Variants in MAPT observed in about 807,000 individuals in gnomAD.
MAPT encodes microtubule associated protein tau.
A neutral mutation model predicts 67.9 loss-of-function variants in MAPT; 34 were observed. That is an observed-to-expected ratio of 0.50 (90% CI 0.38 to 0.67). MAPT has a LOEUF of 0.67. Ranked by LOEUF, MAPT falls within the 30% of genes least tolerant of loss-of-function variation. MAPT has a pLI of 0.00. For missense variants in MAPT, 881 were observed against 1,115.2 expected, an observed-to-expected ratio of 0.79 and a Z score of 2.99; for synonymous variants, 456 against 464.5, an observed-to-expected ratio of 0.98 and a Z score of 0.23.
At chr17:46,021,376 G>A (rs1231397971) in intron 12 of MAPT, among the ~76,000 whole-genome samples, 2 of 151,754 alleles carry the variant, frequency 1.3e-5, no homozygotes, top group Non-Finnish European at 2.9e-5. Flanking sequence ...CTTCTCTGCT[G>A]TTTCTAACCC....
chr17:45,977,790 C>G (rs532753410), intron 3 of MAPT: 1 of 153,196 alleles, frequency 6.5e-6, no homozygotes, highest in Admixed American at 6.4e-5. Flanking sequence ...TTTTGGGGCA[C>G]CTACCATATG....
chr17:45,948,850 G>A (rs1053636238), intron 1 of MAPT, among the ~76,000 whole-genome samples: 1 of 152,196 alleles, frequency 6.6e-6, no homozygotes, highest in African/African-American at 2.4e-5. Context: ...CAGAACAGGA[G>A]ACCAGAGCAA....
chr17:45,895,184 T>G (rs916172678), intron 1 of MAPT: 3 of 151,236 alleles, frequency 2.0e-5, no homozygotes, highest in African/African-American at 7.3e-5. Context: ...TGGATCGGGT[T>G]CTAGAAAAGA....
At chr17:46,014,475 G>T in intron 11 of MAPT, 151 bp downstream of exon 11, 1 of 706,042 alleles carries the variant, frequency 1.4e-6, no homozygotes, top group Non-Finnish European at 2.6e-6. Flanking sequence ...TGAAACTTGC[G>T]GGAGCCCAGG....
rs538825603 is a variant in MAPT at position 45,978,710 on chromosome 17, A to G, written c.286+270A>G. 90 of 485,038 alleles carry G rather than the reference A, an allele frequency of 1.9e-4. 5 individuals are homozygous for G. In the South Asian group the frequency reaches 2.6e-3, roughly 14 times the overall value. 30.0% of individuals were successfully genotyped at this position (485,038 alleles called of 1,614,324 possible). On this transcript the variant is annotated intron_variant, in intron 4 of 12. Coordinates refer to ENST00000262410, the MANE Select transcript of MAPT (RefSeq NM_001377265.1). Reference sequence around the variant, plus strand: ...GCCTGGGAGTTGAGAATGAATGTCTAACAGAAACTCTAGGCCGGGCCTGGT... The same window carrying G: ...GCCTGGGAGTTGAGAATGAATGTCTGACAGAAACTCTAGGCCGGGCCTGGT...
At position 45,971,771 on chromosome 17, in the gene MAPT, C is replaced by G; in HGVS notation, c.134-88C>G. The stretch of plus-strand genomic sequence containing the variant: ...CCACAGGGAGCGATTTTCAGCTCCA[C>G]AGGACACTGCTCCCCAGTTCCTCCT... On this transcript the variant is annotated intron_variant, in intron 2 of 12. Transcript: ENST00000262410. This position sits in a 1 kb window ranked among gnomAD's most constrained non-coding sequence, Gnocchi z 4.3. 1 of 971,190 alleles carries G rather than the reference C, an allele frequency of 1.0e-6. No homozygotes were observed. 60.2% of individuals were successfully genotyped at this position (971,190 alleles called of 1,614,324 possible). A position where few individuals can be genotyped will look rare whatever the true frequency, so the allele number is the denominator to read the frequency against.
chr17:45,974,452 G>A (rs371379238), intron 3 of MAPT: 24 of 1,606,900 alleles, frequency 1.5e-5, no homozygotes, highest in Non-Finnish European at 2.0e-5. Context: ...CCCACACGGA[G>A]ATCCCAGAAG....
At chr17:45,993,951 C>T in intron 8 of MAPT, 1 of 1,576,746 alleles carries the variant, frequency 6.3e-7, no homozygotes, top group Non-Finnish European at 8.6e-7. Context: ...AGAAGACCAC[C>T]CCCTGCAGGG....
At chr17:45,910,530 G>A (rs555472747) in intron 1 of MAPT, among the ~76,000 whole-genome samples, 1 of 152,108 alleles carries the variant, frequency 6.6e-6, no homozygotes, top group East Asian at 1.9e-4. Context: ...AACTGCCAGT[G>A]CCTCACTGCT....
At chr17:45,925,301 C>A (rs527549407) in intron 1 of MAPT, among the ~76,000 whole-genome samples, 11 of 152,306 alleles carry the variant, frequency 7.2e-5, no homozygotes, top group Admixed American at 6.5e-4. Flanking sequence ...TGTGATGGGT[C>A]CTCCCATCGA....
At chr17:45,972,790 C>T (rs1177722966) in intron 3 of MAPT, 1 of 153,724 alleles carries the variant, frequency 6.5e-6, no homozygotes, top group African/African-American at 2.4e-5. Context: ...CAAAAGGGCC[C>T]TGAAACTAAA....
At chr17:45,981,960 A>C (rs1268459760) in intron 4 of MAPT, among the ~76,000 whole-genome samples, 1 of 150,440 alleles carries the variant, frequency 6.6e-6, no homozygotes, top group East Asian at 1.9e-4. Flanking sequence ...TTAAAGTTGC[A>C]ATGAGCTGTG....
chr17:45,944,027 C>A (rs1432563934), intron 1 of MAPT, among the ~76,000 whole-genome samples: 1 of 152,222 alleles, frequency 6.6e-6, no homozygotes, highest in Non-Finnish European at 1.5e-5. Flanking sequence ...CCAGCCTCCT[C>A]TTCTCCATCT....
At position 46,014,385 on chromosome 17, in the gene MAPT, G is replaced by A. The variant is rs1439729114; in HGVS notation, c.2173+61G>A. 7 of 1,205,868 alleles carry A rather than the reference G, an allele frequency of 5.8e-6. No individual in the cohort carries two copies. In the East Asian group the frequency reaches 1.6e-4, roughly 28 times the overall value. The allele number at this position is 1,205,868 out of a possible 1,614,324, so 74.7% of individuals were successfully genotyped here. A position where few individuals can be genotyped will look rare whatever the true frequency, so the allele number is the denominator to read the frequency against. On this transcript the variant is annotated intron_variant, in intron 11 of 12. Coordinates refer to ENST00000262410, the MANE Select transcript of MAPT (RefSeq NM_001377265.1). ...GTGCAGGGGGTGGAGGAGTCCTGGT[G>A]AGGCTGGAACTGCTCCAGACTTCAG...
intron 9 of MAPT, among the ~76,000 whole-genome samples, chr17:46,006,269 G>A (rs532106362): frequency 6.6e-6 from 1 of 152,196 alleles, no homozygotes; most frequent in Non-Finnish European, 1.5e-5. Flanking sequence ...GAAAAAGAAT[G>A]AGAATCTGTC....
chr17:46,002,431 C>G (rs1372662212), intron 9 of MAPT, among the ~76,000 whole-genome samples: 1 of 152,042 alleles, frequency 6.6e-6, no homozygotes, highest in Non-Finnish European at 1.5e-5. Flanking sequence ...GCTGCAGGAT[C>G]AGGAGAACTG....
intron 10 of MAPT, among the ~76,000 whole-genome samples, chr17:46,011,569 T>C (rs1242785328): frequency 1.3e-5 from 2 of 152,122 alleles, no homozygotes; most frequent in Non-Finnish European, 2.9e-5. Context: ...CCGGTCTATG[T>C]CGACTGGGCA....
At chr17:45,938,099 T>C (rs1451457382) in intron 1 of MAPT, among the ~76,000 whole-genome samples, 1 of 152,218 alleles carries the variant, frequency 6.6e-6, no homozygotes, top group Admixed American at 6.5e-5. Context: ...ACTGTATTAA[T>C]TTTCTATTTG....
chr17:45,941,659 C>G (rs1391050161), intron 1 of MAPT, among the ~76,000 whole-genome samples: 1 of 105,232 alleles, frequency 9.5e-6, no homozygotes, highest in African/African-American at 4.0e-5. Context: ...CCCTTCCACC[C>G]TTCCCCCCTT....
Sources: allele counts gnomAD v4.1 joint callset (sites outside exome capture counted in the v4.1 genomes callset), GRCh38; gene constraint gnomAD v4.1.1; non-coding constraint Gnocchi (gnomAD v3.1); transcripts MANE v1.5; gene names NCBI Gene and HGNC (gene_info 2026-07-23, HGNC 2026-07-21).